Variants in BLTP3B observed in about 807,000 individuals in gnomAD.
BLTP3B encodes the protein bridge-like lipid transfer protein family member 3B, also known as UHRF1 (ICBP90) binding protein 1-like.
the BLTP3B span, chr12:100,128,505 T>C: frequency 9.6e-7 from 1 of 1,046,226 alleles, no homozygotes; most frequent in Non-Finnish European, 1.2e-6. Flanking sequence ...TCAAAGTATC[T>C]TTATGCAGGG....
At chr12:100,096,507 T>C in the BLTP3B span, among the ~76,000 whole-genome samples, 2 of 151,964 alleles carry the variant, frequency 1.3e-5, no homozygotes, top group African/African-American at 2.4e-5. Context: ...CTGAGAAATA[T>C]ATTCAATTTA....
the BLTP3B span, chr12:100,103,004 TA>T: frequency 2.4e-5 from 12 of 492,732 alleles, no homozygotes; most frequent in Non-Finnish European, 4.1e-5. Context: ...TCTACAGGTC[TA>T]AAAAGACAAA....
the BLTP3B span, among the ~76,000 whole-genome samples, chr12:100,119,431 A>T: frequency 1.3e-5 from 2 of 152,170 alleles, no homozygotes; most frequent in African/African-American, 4.8e-5. Context: ...TTTTTGAGAG[A>T]AATGACATAC....
chr12:100,078,097 A>G, the BLTP3B span, among the ~76,000 whole-genome samples: 1 of 152,122 alleles, frequency 6.6e-6, no homozygotes, highest in African/African-American at 2.4e-5. Flanking sequence ...TCTCATGTTC[A>G]ATTGTAATCC....
At chr12:100,129,497 G>A in the BLTP3B span, among the ~76,000 whole-genome samples, 10 of 152,194 alleles carry the variant, frequency 6.6e-5, no homozygotes, top group Non-Finnish European at 1.5e-4. Flanking sequence ...CGGTGAACAA[G>A]ACAAGCAAAG....
At chr12:100,059,833 ACTT>A in the BLTP3B span, 7 of 1,594,942 alleles carry the variant, frequency 4.4e-6, no homozygotes, top group South Asian at 5.7e-5. Flanking sequence ...CATTACTACT[ACTT>A]GTTTGTATGA....
chr12:100,070,847 T>G, the BLTP3B span, among the ~76,000 whole-genome samples: 1 of 151,222 alleles, frequency 6.6e-6, no homozygotes. Context: ...AAAAAAAAAA[T>G]TAACAAAAAT....
At chr12:100,092,614 T>C in the BLTP3B span, 1 of 152,324 alleles carries the variant, frequency 6.6e-6, no homozygotes, top group African/African-American at 2.4e-5. Flanking sequence ...TTACAAAATT[T>C]TGTCCTTGTT....
the BLTP3B span, chr12:100,050,221 G>C: frequency 1.9e-6 from 3 of 1,608,280 alleles, no homozygotes; most frequent in Non-Finnish European, 2.5e-6. Context: ...TAATTGGTCT[G>C]GTGTCACCTG....
the BLTP3B span, among the ~76,000 whole-genome samples, chr12:100,109,515 G>T: frequency 6.6e-6 from 1 of 152,124 alleles, no homozygotes; most frequent in Non-Finnish European, 1.5e-5. Context: ...TATAATCCCA[G>T]CATTTTAGGA....
chr12:100,047,545 A>G, the BLTP3B span: 2 of 1,609,786 alleles, frequency 1.2e-6, no homozygotes, highest in Non-Finnish European at 1.7e-6. Flanking sequence ...ATATGAAAAG[A>G]GCCATCGTCA....
At chr12:100,134,198 G>A in the BLTP3B span, among the ~76,000 whole-genome samples, 1 of 152,132 alleles carries the variant, frequency 6.6e-6, no homozygotes, top group East Asian at 1.9e-4. Flanking sequence ...CCCAGTAATT[G>A]TTTATTGCAT....
the BLTP3B span, chr12:100,086,386 A>G: frequency 7.7e-7 from 1 of 1,301,156 alleles, no homozygotes; most frequent in Non-Finnish European, 1.1e-6. Flanking sequence ...GGGGGGGGAA[A>G]TATTAAGTCA....
At chr12:100,039,485 C>G in the BLTP3B span, 1 of 1,155,942 alleles carries the variant, frequency 8.7e-7, no homozygotes, top group Non-Finnish European at 1.2e-6. Flanking sequence ...GGCACAATAA[C>G]AAGCACTCGG....
chr12:100,038,880 G>C, the BLTP3B span, among the ~76,000 whole-genome samples: 1 of 152,110 alleles, frequency 6.6e-6, no homozygotes, highest in Non-Finnish European at 1.5e-5. Flanking sequence ...TCTAAATCTA[G>C]CTTAAGAATT....
the BLTP3B span, among the ~76,000 whole-genome samples, chr12:100,038,531 T>C: frequency 0.084 from 12,852 of 152,170 alleles, 685 homozygotes; most frequent in African/African-American, 0.14. Flanking sequence ...AGATGGGGTT[T>C]CTCCATGTTG....
At chr12:100,066,803 C>CA in the BLTP3B span, among the ~76,000 whole-genome samples, 13,807 of 136,324 alleles carry the variant, frequency 0.1, 657 homozygotes, top group Non-Finnish European at 0.12. Flanking sequence ...GACTCCATCT[C>CA]AAAAAAAAAA....
chr12:100,103,504 C>A, the BLTP3B span, among the ~76,000 whole-genome samples: 2 of 151,462 alleles, frequency 1.3e-5, no homozygotes, highest in African/African-American at 2.4e-5. Flanking sequence ...TTTAAATGAA[C>A]GAACAAATGA....
the BLTP3B span, among the ~76,000 whole-genome samples, chr12:100,114,897 A>G: frequency 6.6e-6 from 1 of 152,198 alleles, no homozygotes; most frequent in East Asian, 1.9e-4. Context: ...CTGTCACTCC[A>G]GGTGTACCTC....
Sources: allele counts gnomAD v4.1 joint callset (sites outside exome capture counted in the v4.1 genomes callset), GRCh38; gene constraint gnomAD v4.1.1; transcripts MANE v1.5; gene names NCBI Gene and HGNC (gene_info 2026-07-23, HGNC 2026-07-21).